The following CAST variants were observed in gnomAD, a reference collection of about 807,000 sequenced individuals.
CAST encodes the protein MIR583 host.
Under a neutral mutation model 119.6 loss-of-function variants are expected in CAST, and 76 were observed. The observed-to-expected ratio is 0.64, with a 90% CI of 0.53 to 0.77. The LOEUF is 0.77. Ranked by LOEUF, CAST falls within the 30% of genes least tolerant of loss-of-function variation. The pLI, the probability that CAST is intolerant of heterozygous loss-of-function variation, is 0.00. For missense variants in CAST, 953 were observed against 946.5 expected (o/e 1.01, Z -0.09); for synonymous variants, 319 against 331.6 (o/e 0.96, Z 0.41).
At chr5:96,400,148 A>G in the CAST span, 1 of 1,614,152 alleles carries the variant, frequency 6.2e-7, no homozygotes, top group South Asian at 1.1e-5. Context: ...AGAGGTCCAG[A>G]CAACCAGGTG....
chr5:96,407,077 A>G, the CAST span, among the ~76,000 whole-genome samples: 24 of 152,256 alleles, frequency 1.6e-4, no homozygotes, highest in African/African-American at 5.5e-4. Context: ...TAAAGAAACC[A>G]TAATAAAAGA....
At chr5:96,463,727 A>G in the CAST span, among the ~76,000 whole-genome samples, 1 of 151,778 alleles carries the variant, frequency 6.6e-6, no homozygotes, top group Admixed American at 6.6e-5. Context: ...ATTAAATCCC[A>G]CAGATCGATT....
At chr5:96,706,923 C>T (rs137967206) in intron 3 of CAST, among the ~76,000 whole-genome samples, 2 of 152,300 alleles carry the variant, frequency 1.3e-5, no homozygotes, top group Non-Finnish European at 2.9e-5. Flanking sequence ...TTAACTGGAG[C>T]CGCCACAGCT....
the CAST span, among the ~76,000 whole-genome samples, chr5:96,258,002 G>T: frequency 1.3e-5 from 2 of 152,038 alleles, no homozygotes; most frequent in African/African-American, 4.8e-5. Flanking sequence ...GCCACTAAAG[G>T]CTCAGCATGG....
intron 9 of CAST, among the ~76,000 whole-genome samples, chr5:96,735,702 G>A (rs1055348174): frequency 2.0e-5 from 3 of 152,224 alleles, no homozygotes; most frequent in African/African-American, 7.2e-5. Context: ...ATAGAGCAAT[G>A]GAAGCAATGA....
At chr5:96,066,776 C>G in the CAST span, among the ~76,000 whole-genome samples, 1 of 152,142 alleles carries the variant, frequency 6.6e-6, no homozygotes, top group Non-Finnish European at 1.5e-5. Context: ...TCTCCCCCCT[C>G]AGTCTCCCTA....
At chr5:96,760,405 G>A (rs569076983) in intron 24 of CAST, among the ~76,000 whole-genome samples, 28 of 151,864 alleles carry the variant, frequency 1.8e-4, no homozygotes, top group Admixed American at 1.4e-3. Flanking sequence ...TAAAAAGTAG[G>A]CAATCCCCTA....
the CAST span, among the ~76,000 whole-genome samples, chr5:96,328,563 G>T: frequency 7.2e-5 from 11 of 152,120 alleles, no homozygotes; most frequent in African/African-American, 2.7e-4. Flanking sequence ...GAAAAAGATT[G>T]ACAAACCATC....
Position 96,773,522 on chromosome 5 carries a change from G to C in CAST, c.*906G>C, listed in dbSNP as rs1773206729. On this transcript the variant is annotated 3_prime_UTR_variant, in exon 32 of 32. Coordinates refer to ENST00000675179, the MANE Select transcript of CAST (RefSeq NM_001750.7). Reference sequence around the variant, plus strand: ...TGTCTTTAGAGCTATTGCCACATTAGCCTTTGCACTGTATAGCGTCTGGCT... The same window carrying C: ...TGTCTTTAGAGCTATTGCCACATTACCCTTTGCACTGTATAGCGTCTGGCT... 1 of 152,136 alleles carries C rather than the reference G, an allele frequency of 6.6e-6. No individual in the cohort carries two copies. The highest frequency in any genetic ancestry group is 1.5e-5 in the Non-Finnish European group (1 of 67,982). 9.4% of individuals were successfully genotyped at this position (152,136 alleles called of 1,614,324 possible). A position where few individuals can be genotyped will look rare whatever the true frequency, so the allele number is the denominator to read the frequency against.
At chr5:96,028,134 T>C in the CAST span, among the ~76,000 whole-genome samples, 1 of 152,134 alleles carries the variant, frequency 6.6e-6, no homozygotes. Flanking sequence ...CTATTAGCCA[T>C]TGAATGTTTT....
the CAST span, among the ~76,000 whole-genome samples, chr5:96,495,033 G>C: frequency 1.3e-5 from 2 of 151,012 alleles, no homozygotes; most frequent in African/African-American, 4.9e-5. Flanking sequence ...CAGTAAAATC[G>C]CTTGAACCCG....
chr5:96,093,129 C>T, the CAST span, among the ~76,000 whole-genome samples: 26 of 152,058 alleles, frequency 1.7e-4, no homozygotes, highest in East Asian at 4.4e-3. Flanking sequence ...TGTTACATTT[C>T]TCAAATTAAA....
intron 1 of CAST, among the ~76,000 whole-genome samples, chr5:96,543,670 CA>C (rs763885597): frequency 2.0e-5 from 3 of 152,192 alleles, no homozygotes; most frequent in Non-Finnish European, 4.4e-5. Flanking sequence ...TTGACAAACC[CA>C]AAATCACCCA....
chr5:96,295,096 A>G, the CAST span, among the ~76,000 whole-genome samples: 1 of 152,238 alleles, frequency 6.6e-6, no homozygotes, highest in Non-Finnish European at 1.5e-5. Context: ...TACTGAAGCA[A>G]ACAAACTAGT....
chr5:96,639,106 T>A (rs747947742), intron 1 of CAST, among the ~76,000 whole-genome samples: 21 of 152,252 alleles, frequency 1.4e-4, no homozygotes, highest in Non-Finnish European at 2.5e-4. Context: ...ACATTGTATA[T>A]AACTCCTATT....
chr5:96,765,114 C>T, intron 25 of CAST, 107 bp from the exon 26 acceptor site: 1 of 703,804 alleles, frequency 1.4e-6, no homozygotes, highest in Non-Finnish European at 2.6e-6. Flanking sequence ...ATGTCTTTTT[C>T]TTCCAAGGAA....
Position 96,736,202 on chromosome 5 carries a change from G to A in CAST, c.661G>A (p.Val221Met). 2 of 1,612,766 alleles carry A rather than the reference G, an allele frequency of 1.2e-6. No homozygotes were observed. The highest frequency in any genetic ancestry group is 1.7e-6 in the Non-Finnish European group (2 of 1,179,252). Reference protein sequence around the residue: ...KKEKKSLTPAVPVESKPDKPS... With the variant: ...KKEKKSLTPAMPVESKPDKPS... ...AGAAAAGAAATCATTAACCCCAGCT[G>A]TGCCAGTTGAATCTAAACCGGATAA... is the stretch of plus-strand genomic sequence containing the variant. Residue 221 changes from valine to methionine, a missense_variant, in exon 10 of 32, where the codon GTG becomes ATG. Transcript: ENST00000675179.
Position 96,740,107 on chromosome 5 carries a change from G to C in CAST, c.868G>C (p.Glu290Gln), listed in dbSNP as rs1420863608. 6 of 1,485,646 alleles carry C rather than the reference G, an allele frequency of 4.0e-6. No individual in the cohort carries two copies. The highest frequency in any genetic ancestry group is 5.6e-6 in the Non-Finnish European group (6 of 1,074,574). The allele number at this position is 1,485,646 out of a possible 1,614,324, so 92.0% of individuals were successfully genotyped here. ...REVTIPPKYR[E>Q]LLAKKEGITG... ...AGTCACAATTCCTCCAAAATATAGG[G>C]AACTATTGGCTGTAAGTTAAATAAT... The change falls in exon 12 of 32, where the codon GAA becomes CAA. Residue 290 changes from glutamate (E) to glutamine (Q), a missense_variant. Physicochemically the swap from Glu to Gln is conservative, Grantham distance 29 (BLOSUM62 2). Transcript: ENST00000675179.
At chr5:96,645,406 A>G (rs1748002205) in intron 1 of CAST, among the ~76,000 whole-genome samples, 1 of 152,166 alleles carries the variant, frequency 6.6e-6, no homozygotes, top group African/African-American at 2.4e-5. Context: ...CGCCCTTTCT[A>G]TATTATTTGG....
Sources: allele counts gnomAD v4.1 joint callset (sites outside exome capture counted in the v4.1 genomes callset), GRCh38; gene constraint gnomAD v4.1.1; transcripts MANE v1.5; gene names NCBI Gene and HGNC (gene_info 2026-07-23, HGNC 2026-07-21).